Variants in SIPA1L1 observed in about 807,000 individuals in gnomAD.
SIPA1L1 encodes signal-induced proliferation-associated 1-like protein 1.
Under a neutral mutation model 162.7 loss-of-function variants are expected in SIPA1L1, and 26 were observed. The ratio of observed to expected loss-of-function variants is 0.16; its 90% confidence interval spans 0.12 to 0.22. The LOEUF (loss-of-function observed/expected upper bound fraction) is 0.22. SIPA1L1 is among the 10% of genes least tolerant of loss of function. The probability of loss-of-function intolerance (pLI) is 1.00; values close to 1 mark genes in which losing one functional copy is unlikely to be tolerated. For missense variants in SIPA1L1, 1,874 were observed against 2,241.0 expected (o/e 0.84, Z 3.31); for synonymous variants, 829 against 837.4 (o/e 0.99, Z 0.17).
At chr14:71,324,453 G>C (rs2108707) in intron 2 of SIPA1L1, among the ~76,000 whole-genome samples, 24,808 of 152,136 alleles carry the variant, frequency 0.16, 2,633 homozygotes, top group Middle Eastern at 0.34. Context: ...CCCCACTTAA[G>C]AGTTCAGTAT....
chr14:71,471,123 C>T (rs757289816), intron 2 of SIPA1L1, among the ~76,000 whole-genome samples: 4 of 152,224 alleles, frequency 2.6e-5, no homozygotes, highest in Non-Finnish European at 5.9e-5. Context: ...GGATTACAGG[C>T]GTGAGCCTCC....
rs1239546918 is a variant in SIPA1L1 at position 71,589,345 on chromosome 14, T to C, written c.1473T>C (p.Tyr491=). 3 of 1,606,710 alleles carry C rather than the reference T, an allele frequency of 1.9e-6. No homozygotes were observed. Among genetic ancestry groups the C allele is most frequent in the African/African-American group, 2.7e-5 (2 of 74,748 alleles). ...IVEHVDLGAY[Y]YRKFFYQKEH... is the part of the protein sequence containing the mutation. ...AACACGTAGATCTGGGTGCATACTA[T>C]TATAGAAAATTTTTCTACCAGAAGG... The change falls in exon 5 of 24, where the codon TAT becomes TAC. Residue 491 remains tyrosine (Y), a synonymous_variant. Transcript: ENST00000381232.
chr14:71,708,767 C>T (rs2082661664), intron 16 of SIPA1L1, among the ~76,000 whole-genome samples: 1 of 152,222 alleles, frequency 6.6e-6, no homozygotes, highest in Non-Finnish European at 1.5e-5. Context: ...GTCTCCTAAA[C>T]AGAGGCTAAT....
chr14:71,364,874 T>TAGCC, intron 2 of SIPA1L1, among the ~76,000 whole-genome samples: 1 of 151,380 alleles, frequency 6.6e-6, no homozygotes, highest in Admixed American at 6.6e-5. Flanking sequence ...GCCTCCCCAG[T>TAGCC]AGCCAGGACT....
chr14:71,477,873 A>G (rs2048009403), intron 2 of SIPA1L1, among the ~76,000 whole-genome samples: 1 of 151,944 alleles, frequency 6.6e-6, no homozygotes, highest in East Asian at 1.9e-4. Flanking sequence ...GTAAATTCCC[A>G]GGACTGGGAT....
At chr14:71,339,367 T>A (rs1206435873) in intron 2 of SIPA1L1, among the ~76,000 whole-genome samples, 1 of 26,030 alleles carries the variant, frequency 3.8e-5, no homozygotes, top group Non-Finnish European at 7.2e-5. Context: ...TCTTTCTTTC[T>A]TTTTTTTTTT....
intron 2 of SIPA1L1, among the ~76,000 whole-genome samples, chr14:71,420,371 G>A (rs985482797): frequency 6.6e-6 from 1 of 152,084 alleles, no homozygotes; most frequent in Non-Finnish European, 1.5e-5. Flanking sequence ...ATTCGAACAG[G>A]GCATTGAAAG....
chr14:71,374,730 A>T (rs1037644486), intron 2 of SIPA1L1, among the ~76,000 whole-genome samples: 20 of 143,470 alleles, frequency 1.4e-4, no homozygotes, highest in African/African-American at 4.7e-4. Flanking sequence ...AGTCGCATTC[A>T]CTGCCATATA....
At position 71,740,324 on chromosome 14, in the gene SIPA1L1, G is replaced by A. The variant is rs930721712; in HGVS notation, c.*1163G>A. 5.3e-5 allele frequency: 8 copies of A among 152,280 alleles called. No individual in the cohort carries two copies. The highest frequency in any genetic ancestry group is 2.1e-4 in the South Asian group (1 of 4,818). 9.4% of individuals were successfully genotyped at this position (152,280 alleles called of 1,614,324 possible). On this transcript the variant is annotated 3_prime_UTR_variant, in exon 24 of 24. Coordinates refer to ENST00000381232, the MANE Select transcript of SIPA1L1 (RefSeq NM_001386936.1). ...CTTTCATGGCCATCCAAAGGATTCC[G>A]CTGCAGAAATTATTGATGTGCTATT...
At chr14:71,725,152 G>A (rs1265598912) in intron 19 of SIPA1L1, among the ~76,000 whole-genome samples, 1 of 152,216 alleles carries the variant, frequency 6.6e-6, no homozygotes, top group Non-Finnish European at 1.5e-5. Flanking sequence ...TGGAAACTGT[G>A]CAGAGACACC....
intron 2 of SIPA1L1, among the ~76,000 whole-genome samples, chr14:71,393,601 C>T (rs61991247): frequency 0.16 from 24,904 of 152,010 alleles, 2,645 homozygotes; most frequent in Middle Eastern, 0.34. Context: ...TGAGGCAAGA[C>T]GTTCAAGACC....
chr14:71,497,226 A>C (rs1299225592), intron 2 of SIPA1L1, among the ~76,000 whole-genome samples: 1 of 152,092 alleles, frequency 6.6e-6, no homozygotes, highest in Non-Finnish European at 1.5e-5. Context: ...ATTTATTTTT[A>C]TTACAATGGG....
chr14:71,518,487 G>T (rs777063263), intron 3 of SIPA1L1, among the ~76,000 whole-genome samples: 1 of 152,180 alleles, frequency 6.6e-6, no homozygotes, highest in Admixed American at 6.5e-5. Context: ...TGGTATGGCA[G>T]ATCCCCTCAT....
At chr14:71,516,497 C>T (rs2051739450) in intron 3 of SIPA1L1, among the ~76,000 whole-genome samples, 1 of 152,080 alleles carries the variant, frequency 6.6e-6, no homozygotes, top group African/African-American at 2.4e-5. Context: ...AGTAATCCTC[C>T]CACCTCAGCC....
At chr14:71,393,868 T>G (rs2040968187) in intron 2 of SIPA1L1, among the ~76,000 whole-genome samples, 1 of 152,204 alleles carries the variant, frequency 6.6e-6, no homozygotes, top group African/African-American at 2.4e-5. Context: ...ACACCAGTGG[T>G]CTGGTTATCC....
chr14:71,713,628 A>G (rs2083044692), intron 17 of SIPA1L1, among the ~76,000 whole-genome samples: 1 of 152,228 alleles, frequency 6.6e-6, no homozygotes, highest in African/African-American at 2.4e-5. Context: ...GGTTCATGCC[A>G]CAAAAGCTGT....
intron 3 of SIPA1L1, among the ~76,000 whole-genome samples, chr14:71,520,965 T>C (rs1214827606): frequency 6.6e-6 from 1 of 152,070 alleles, no homozygotes; most frequent in Non-Finnish European, 1.5e-5. Flanking sequence ...TGTTGGCCAG[T>C]CTGGTCTCGA....
chr14:71,370,768 A>G (rs1360176080), intron 2 of SIPA1L1, among the ~76,000 whole-genome samples: 3 of 152,164 alleles, frequency 2.0e-5, no homozygotes, highest in Non-Finnish European at 4.4e-5. Flanking sequence ...CTTGATTCCA[A>G]CTGTGATGCT....
At chr14:71,336,124 T>TG (rs1251143496) in intron 2 of SIPA1L1, among the ~76,000 whole-genome samples, 1 of 152,240 alleles carries the variant, frequency 6.6e-6, no homozygotes, top group Non-Finnish European at 1.5e-5. Context: ...GTGCAATAGT[T>TG]GCTTTTATTG....
Sources: allele counts gnomAD v4.1 joint callset (sites outside exome capture counted in the v4.1 genomes callset), GRCh38; gene constraint gnomAD v4.1.1; transcripts MANE v1.5; gene names NCBI Gene and HGNC (gene_info 2026-07-23, HGNC 2026-07-21).